Variants in GABBR2 observed in about 807,000 individuals in gnomAD.
The protein encoded by GABBR2 is G-protein coupled receptor 51.
Under a neutral mutation model 105.6 loss-of-function variants are expected in GABBR2, and 23 were observed. That is an observed-to-expected ratio of 0.22 (90% CI 0.16 to 0.31). The LOEUF is 0.31. GABBR2 is among the 10% of genes least tolerant of loss of function. The pLI is 1.00. For synonymous variants in GABBR2, 478 were observed against 499.7 expected (o/e 0.96, Z 0.58); for missense variants, 734 against 1,245.5 (o/e 0.59, Z 6.18).
intron 2 of GABBR2, among the ~76,000 whole-genome samples, chr9:98,567,932 G>A (rs1040216351): frequency 6.6e-6 from 1 of 152,216 alleles, no homozygotes; most frequent in South Asian, 2.1e-4. Context: ...GAGCCTGGGA[G>A]AGTATACAGC....
At chr9:98,661,221 C>G (rs1008427263) in intron 1 of GABBR2, among the ~76,000 whole-genome samples, 1 of 152,178 alleles carries the variant, frequency 6.6e-6, no homozygotes, top group African/African-American at 2.4e-5. Flanking sequence ...AGATTCTTAA[C>G]TCATTACATC....
At chr9:98,706,188 G>C (rs1186568447) in intron 1 of GABBR2, among the ~76,000 whole-genome samples, 2 of 151,678 alleles carry the variant, frequency 1.3e-5, no homozygotes, top group Non-Finnish European at 2.9e-5. Context: ...GCATGCCAGA[G>C]CACTGGCCGC....
At chr9:98,598,225 T>C (rs1829266172) in intron 1 of GABBR2, among the ~76,000 whole-genome samples, 2 of 152,130 alleles carry the variant, frequency 1.3e-5, no homozygotes, top group South Asian at 4.1e-4. Context: ...TGACTAGAAC[T>C]GAGGAGGCCA....
chr9:98,385,875 C>G (rs1018829151), intron 10 of GABBR2, 103 bp from the exon 11 acceptor site: 11 of 898,476 alleles, frequency 1.2e-5, no homozygotes, highest in Non-Finnish European at 1.8e-5. Context: ...GTTGCTCAGG[C>G]TAGAGGGGAG....
chr9:98,406,766 T>C (rs1010868226), intron 7 of GABBR2, among the ~76,000 whole-genome samples: 4 of 152,242 alleles, frequency 2.6e-5, no homozygotes, highest in African/African-American at 9.6e-5. Context: ...ATTAGGGACC[T>C]TGGGGGCTAA....
chr9:98,396,068 C>A (rs185651571), intron 8 of GABBR2, among the ~76,000 whole-genome samples: 106 of 152,312 alleles, frequency 7.0e-4, no homozygotes, highest in African/African-American at 2.3e-3. Context: ...CAGACTCAAA[C>A]CCTGGACATT....
intron 1 of GABBR2, among the ~76,000 whole-genome samples, chr9:98,620,717 T>C (rs1246726589): frequency 1.3e-5 from 2 of 152,190 alleles, no homozygotes; most frequent in Non-Finnish European, 2.9e-5. Flanking sequence ...TTTCTGCAGA[T>C]GTTTTCATTA....
intron 13 of GABBR2, among the ~76,000 whole-genome samples, chr9:98,357,120 C>T (rs940941608): frequency 6.6e-6 from 1 of 152,096 alleles, no homozygotes; most frequent in Non-Finnish European, 1.5e-5. Flanking sequence ...TGGCAAAGCC[C>T]GTAGAACAGT....
chr9:98,320,065 C>T (rs1165909900), intron 13 of GABBR2, among the ~76,000 whole-genome samples: 9 of 151,898 alleles, frequency 5.9e-5, no homozygotes, highest in East Asian at 3.9e-4. Flanking sequence ...AGAAAATTTT[C>T]GCAACCTACT....
intron 1 of GABBR2, among the ~76,000 whole-genome samples, chr9:98,624,760 C>T (rs774699341): frequency 3.6e-4 from 55 of 152,058 alleles, no homozygotes; most frequent in Non-Finnish European, 6.6e-4. Flanking sequence ...ACGCTGAGGC[C>T]GGCTGCTGGC....
intron 3 of GABBR2, among the ~76,000 whole-genome samples, chr9:98,536,345 C>T (rs1408833646): frequency 6.6e-6 from 1 of 152,130 alleles, no homozygotes; most frequent in Non-Finnish European, 1.5e-5. Flanking sequence ...GAAACTGAGA[C>T]CCAGAGACAG....
chr9:98,676,550 C>T (rs950896995), intron 1 of GABBR2, among the ~76,000 whole-genome samples: 1 of 152,204 alleles, frequency 6.6e-6, no homozygotes, highest in African/African-American at 2.4e-5. Context: ...ACTTCTAGGC[C>T]ATCTTCAGCT....
intron 4 of GABBR2, among the ~76,000 whole-genome samples, chr9:98,493,841 T>C (rs992841693): frequency 6.6e-6 from 1 of 152,216 alleles, no homozygotes; most frequent in Non-Finnish European, 1.5e-5. Context: ...CGTTGGGTTT[T>C]AGGTGATGGG....
chr9:98,679,357 T>G (rs1036642153), intron 1 of GABBR2, among the ~76,000 whole-genome samples: 1 of 152,192 alleles, frequency 6.6e-6, no homozygotes, highest in African/African-American at 2.4e-5. Flanking sequence ...GAAAGTGATA[T>G]TCACAAATCC....
chr9:98,689,904 T>C (rs1830664239), intron 1 of GABBR2, among the ~76,000 whole-genome samples: 1 of 152,208 alleles, frequency 6.6e-6, no homozygotes, highest in African/African-American at 2.4e-5. Context: ...CTTCTGACTA[T>C]AGAGAATGAA....
At chr9:98,666,813 G>T (rs573055208) in intron 1 of GABBR2, among the ~76,000 whole-genome samples, 1 of 152,344 alleles carries the variant, frequency 6.6e-6, no homozygotes, top group Admixed American at 6.5e-5. Flanking sequence ...TTCAGCTACA[G>T]AGACCACCTG....
Position 98,339,921 on chromosome 9 carries a change from C to A in GABBR2, c.1893+22794G>T, listed in dbSNP as rs544355829. Among the ~76,000 whole-genome samples the A allele has an allele frequency of 4.6e-5, 7 of 152,216 alleles. No individual in the cohort carries two copies. In the South Asian group the frequency reaches 1.5e-3, roughly 32 times the overall value. ...GGTTCTCTCTTTCCTTCTGGGCACA[C>A]GGTAGGATTGCTCTTCCCTGGCTCA... On this transcript the variant is annotated intron_variant, in intron 13 of 18. Transcript: ENST00000259455.
chr9:98,522,304 CA>C (rs1269182522), intron 3 of GABBR2, among the ~76,000 whole-genome samples: 2 of 151,872 alleles, frequency 1.3e-5, no homozygotes, highest in African/African-American at 4.8e-5. Context: ...AAAAAGATAT[CA>C]GAACAAAAGA....
intron 1 of GABBR2, chr9:98,606,882 G>C (rs1829431006): frequency 1.8e-6 from 1 of 571,262 alleles, no homozygotes; most frequent in Admixed American, 2.7e-5. Context: ...CAGCACCATG[G>C]GAGGTCTGAT....
Sources: allele counts gnomAD v4.1 joint callset (sites outside exome capture counted in the v4.1 genomes callset), GRCh38; gene constraint gnomAD v4.1.1; transcripts MANE v1.5; gene names NCBI Gene and HGNC (gene_info 2026-07-23, HGNC 2026-07-21).